The following CCDC186 variants were observed in gnomAD, a reference collection of about 807,000 sequenced individuals.
CCDC186 encodes coiled-coil domain containing 186.
In CCDC186, 49 loss-of-function variants were observed where a neutral mutation model predicts 113.7. The ratio of observed to expected loss-of-function variants is 0.43; its 90% CI spans 0.34 to 0.55. The LOEUF (loss-of-function observed/expected upper bound fraction) is 0.55. Among genes scored for constraint, CCDC186 ranks in the 20% least tolerant of loss-of-function variants. CCDC186 has a pLI of 0.02. For synonymous variants in CCDC186, 355 were observed against 345.8 expected, an observed-to-expected ratio of 1.03 and a Z score of -0.30; for missense variants, 890 against 1,011.1, an observed-to-expected ratio of 0.88 and a Z score of 1.62.
intron 3 of CCDC186, among the ~76,000 whole-genome samples, chr10:114,157,135 T>C (rs561385426): frequency 3.2e-4 from 49 of 152,150 alleles, no homozygotes; most frequent in African/African-American, 1.2e-3. Flanking sequence ...ATTTAAAATA[T>C]GATTTACCTT....
At chr10:114,132,583 C>T (rs753894182) in intron 10 of CCDC186, among the ~76,000 whole-genome samples, 2 of 152,124 alleles carry the variant, frequency 1.3e-5, no homozygotes, top group Non-Finnish European at 2.9e-5. Flanking sequence ...GCAATTGTTC[C>T]ACTCTGCCAT....
chr10:114,131,374 A>G, intron 11 of CCDC186, 38 bp from the exon 12 acceptor site: 6 of 1,493,274 alleles, frequency 4.0e-6, no homozygotes, highest in South Asian at 1.4e-5. Context: ...CAATTTTAGT[A>G]TGTTTGTTTC....
At chr10:114,172,281 A>G (rs1256351524) in intron 1 of CCDC186, among the ~76,000 whole-genome samples, 2 of 152,202 alleles carry the variant, frequency 1.3e-5, no homozygotes, top group African/African-American at 4.8e-5. Context: ...GCTTCAACCT[A>G]CTGTCTCTTC....
At chr10:114,156,750 T>TA (rs569310242) in intron 3 of CCDC186, among the ~76,000 whole-genome samples, 1 of 150,630 alleles carries the variant, frequency 6.6e-6, no homozygotes, top group South Asian at 2.1e-4. Context: ...AAAAATAAAT[T>TA]AAAAAAAAGA....
Position 114,144,609 on chromosome 10 carries a change from T to C in CCDC186, c.1109A>G (p.Glu370Gly). 1 of 1,607,256 alleles carries C rather than the reference T, an allele frequency of 6.2e-7. No homozygotes were observed. Among genetic ancestry groups the C allele is most frequent in the Non-Finnish European group, 8.5e-7 (1 of 1,176,286 alleles). ...LHQLYETKEG[E>G]TTRLIREIDK... ...TATTTCTCTGATGAGTCTAGTCGTTTCGCCTTCCTAAAATAATATCACTAG... is the reference window on the plus strand; with the variant it reads ...TATTTCTCTGATGAGTCTAGTCGTTCCGCCTTCCTAAAATAATATCACTAG... Residue 370 changes from glutamate to glycine, a missense_variant, in exon 6 of 16, where the codon GAA becomes GGA. Transcript: ENST00000369287.
At chr10:114,131,743 A>G (rs1398968447) in intron 11 of CCDC186, among the ~76,000 whole-genome samples, 186 bp downstream of exon 11, 1 of 152,214 alleles carries the variant, frequency 6.6e-6, no homozygotes, top group Non-Finnish European at 1.5e-5. Flanking sequence ...TAATCATTTT[A>G]GGAAGAAATT....
At chr10:114,143,071 T>G (rs1257396984) in intron 6 of CCDC186, among the ~76,000 whole-genome samples, 2 of 152,216 alleles carry the variant, frequency 1.3e-5, no homozygotes, top group African/African-American at 4.8e-5. Context: ...ATAAATGCCT[T>G]TAGTTAAAAA....
At chr10:114,172,751 T>C (rs965129145) in intron 1 of CCDC186, among the ~76,000 whole-genome samples, 2 of 152,100 alleles carry the variant, frequency 1.3e-5, no homozygotes, top group African/African-American at 4.8e-5. Flanking sequence ...AGACCAGAAA[T>C]AAAAGAGAAA....
chr10:114,144,994 A>T (rs1025782345), intron 5 of CCDC186, among the ~76,000 whole-genome samples: 2 of 152,254 alleles, frequency 1.3e-5, no homozygotes, highest in African/African-American at 4.8e-5. Context: ...TTTATCATTG[A>T]AAAATGATAA....
intron 6 of CCDC186, among the ~76,000 whole-genome samples, chr10:114,143,560 C>T (rs1028373131): frequency 3.9e-5 from 6 of 152,210 alleles, no homozygotes; most frequent in African/African-American, 1.4e-4. Context: ...CACACATGTG[C>T]TGATTAGTAG....
At chr10:114,160,990 T>C (rs974552202) in intron 2 of CCDC186, among the ~76,000 whole-genome samples, 13 of 152,002 alleles carry the variant, frequency 8.6e-5, no homozygotes, top group Admixed American at 4.6e-4. Context: ...CTCAAAGAGG[T>C]TGACTTGGCC....
chr10:114,173,132 G>C, intron 1 of CCDC186: 1 of 430,530 alleles, frequency 2.3e-6, no homozygotes, highest in African/African-American at 2.0e-5. Flanking sequence ...AGAGAAAACG[G>C]CCAAGTACCT....
intron 6 of CCDC186, 65 bp downstream of exon 6, chr10:114,144,431 AC>A: frequency 2.6e-6 from 4 of 1,531,914 alleles, no homozygotes; most frequent in South Asian, 2.5e-5. Flanking sequence ...CAAAAAAAAA[AC>A]AAAAACAAAA....
In CCDC186 at chr10:114,127,601, ATCCAC is replaced by A; in HGVS notation, c.2248_2252del (p.Val750Ter). On this transcript the variant is annotated frameshift_variant, in exon 14 of 16. Transcript: ENST00000369287. LOFTEE classifies it high-confidence loss of function. ...TGGCCTTATCTACTTGTGGAAAGTT[ATCCAC>A]AGCTACTGAGGACCCAGTATTTTCT... 6.2e-7 allele frequency: 1 copy of A among 1,614,064 alleles called. No individual in the cohort carries two copies.
chr10:114,163,584 G>A (rs2032243742), intron 1 of CCDC186, among the ~76,000 whole-genome samples: 1 of 152,126 alleles, frequency 6.6e-6, no homozygotes, highest in Admixed American at 6.5e-5. Context: ...ATTAATTTCA[G>A]TTGTAGTCTG....
At chr10:114,155,989 A>AAC (rs768663500) in intron 3 of CCDC186, among the ~76,000 whole-genome samples, 5 of 150,814 alleles carry the variant, frequency 3.3e-5, no homozygotes, top group African/African-American at 4.9e-5. Context: ...ACAACAACAA[A>AAC]AAAAGCCCAC....
At chr10:114,156,991 A>G (rs576713846) in intron 3 of CCDC186, among the ~76,000 whole-genome samples, 4 of 152,298 alleles carry the variant, frequency 2.6e-5, no homozygotes, top group East Asian at 3.9e-4. Flanking sequence ...TATTTTGAAC[A>G]TAACAGAGTA....
At chr10:114,164,817 G>A (rs1333923643) in intron 1 of CCDC186, among the ~76,000 whole-genome samples, 1 of 152,208 alleles carries the variant, frequency 6.6e-6, no homozygotes, top group Non-Finnish European at 1.5e-5. Flanking sequence ...GGTTATCAGA[G>A]GATGATGAAA....
chr10:114,129,933 C>G lies in CCDC186; in HGVS notation c.2140G>C (p.Asp714His). ...KLDQVESGSY[D>H]KEVSSMGSRS... ...CTTCCCATGCTGCTGACTTCTTTGT[C>G]ATAGCTTCCACTCTCAACCTGATCT... The change falls in exon 13 of 16, where the codon GAC becomes CAC. Residue 714 changes from aspartate (D) to histidine (H), a missense_variant. Coordinates refer to ENST00000369287, the MANE Select transcript of CCDC186 (RefSeq NM_018017.4). The G allele has an allele frequency of 6.2e-7, 1 of 1,613,654 alleles. No homozygotes were observed. The highest frequency in any genetic ancestry group is 8.5e-7 in the Non-Finnish European group (1 of 1,179,728).
Sources: gnomAD v4.1 joint callset for allele counts (sites outside exome capture counted in the v4.1 genomes callset) on GRCh38, gnomAD v4.1.1 for gene constraint, MANE v1.5 for transcripts, NCBI Gene and HGNC (gene_info 2026-07-23, HGNC 2026-07-21) for gene names.